The following TMED6 variants were observed in gnomAD, a reference collection of about 807,000 sequenced individuals.
TMED6 encodes the protein transmembrane emp24 domain-containing protein 6.
In TMED6, 17 loss-of-function variants were observed where a neutral mutation model predicts 26.5. The ratio of observed to expected loss-of-function variants is 0.64; its 90% CI spans 0.44 to 0.96. The LOEUF (loss-of-function observed/expected upper bound fraction) is 0.96, where lower values mean the gene tolerates loss of function less well. Among genes scored for constraint, TMED6 ranks in the 40% least tolerant of loss-of-function variants. The pLI is 0.00. For synonymous variants in TMED6, 107 were observed against 106.2 expected (o/e 1.01, Z -0.04); for missense variants, 309 against 296.5 (o/e 1.04, Z -0.31).
At chr16:69,347,624 T>A (rs2012706171) in intron 3 of TMED6, among the ~76,000 whole-genome samples, 164 bp downstream of exon 3, 1 of 152,154 alleles carries the variant, frequency 6.6e-6, no homozygotes, top group Admixed American at 6.5e-5. Context: ...CCTCCCAAAG[T>A]GCTGGGATTA....
intron 2 of TMED6, among the ~76,000 whole-genome samples, chr16:69,348,990 A>G (rs556746567): frequency 1.3e-5 from 2 of 152,314 alleles, no homozygotes; most frequent in African/African-American, 4.8e-5. Flanking sequence ...TGTTGAGAAA[A>G]TGTCTTTTTT....
chr16:69,348,989 AAT>A (rs1194307994), intron 2 of TMED6, among the ~76,000 whole-genome samples: 1 of 152,164 alleles, frequency 6.6e-6, no homozygotes, highest in African/African-American at 2.4e-5. Context: ...CTGTTGAGAA[AAT>A]GTCTTTTTTA....
rs913624709 is a variant in TMED6, at chr16:69,349,766, G to T, written c.214-115C>A. ...GCACAGCGGTCTCTGTCTGGGGTGG[G>T]ACTGCCCAACCCCCTGCTGGGGTTT... On this transcript the variant is annotated intron_variant, in intron 1 of 3. Coordinates refer to ENST00000288025, the MANE Select transcript of TMED6 (RefSeq NM_144676.4). The T allele has an allele frequency of 5.2e-5, 71 of 1,368,690 alleles. No individual in the cohort carries two copies. In the South Asian group the frequency reaches 8.8e-4, roughly 17 times the overall value. 84.8% of individuals were successfully genotyped at this position (1,368,690 alleles called of 1,614,324 possible).
At chr16:69,349,498 A>G in intron 2 of TMED6, 27 bp downstream of exon 2, 1 of 1,608,724 alleles carries the variant, frequency 6.2e-7, no homozygotes, top group African/African-American at 1.3e-5. Flanking sequence ...TATGATTATT[A>G]TAATAGCCAT....
rs1203504283 is a variant in TMED6, at chr16:69,343,468, T to C, written c.662A>G (p.Tyr221Cys). 1 of 1,614,170 alleles carries C rather than the reference T, an allele frequency of 6.2e-7. No individual in the cohort carries two copies. The highest frequency in any genetic ancestry group is 1.3e-5 in the African/African-American group (1 of 75,046). The change falls in exon 4 of 4, where the codon TAT (tyrosine) becomes TGT (cysteine). Residue 221 changes from tyrosine to cysteine, a missense_variant. Coordinates refer to ENST00000288025, the MANE Select transcript of TMED6 (RefSeq NM_144676.4). The part of the protein sequence containing the change: ...VIILSGILQL[Y>C]FLKRLFNVPT... ...AACATTGAAGAGACGCTTCAAGAAATACAGTTGCAGGATCCCAGAAAGAAT... is the reference window on the plus strand; with the variant it reads ...AACATTGAAGAGACGCTTCAAGAAACACAGTTGCAGGATCCCAGAAAGAAT...
chr16:69,348,527 G>A (rs2012724687), intron 2 of TMED6: 3 of 152,436 alleles, frequency 2.0e-5, no homozygotes, highest in Admixed American at 2.0e-4. Flanking sequence ...ACCGGTAGAA[G>A]ATGGGTGGGG....
intron 3 of TMED6, among the ~76,000 whole-genome samples, chr16:69,346,876 C>A (rs1398240993): frequency 6.6e-6 from 1 of 152,120 alleles, no homozygotes; most frequent in African/African-American, 2.4e-5. Flanking sequence ...CACAGTAGCT[C>A]ATAATGCTGA....
At chr16:69,349,802 G>A (rs2012747380) in intron 1 of TMED6, 151 bp from the exon 2 acceptor site, 5 of 906,214 alleles carry the variant, frequency 5.5e-6, no homozygotes, top group Middle Eastern at 3.3e-4. Context: ...GGAGTTGATT[G>A]GAGGATTCTG....
rs138022310 is a variant in TMED6 at position 69,343,456 on chromosome 16, C to T, written c.674G>A (p.Arg225His). The change falls in exon 4 of 4, where the codon CGT becomes CAT. Residue 225 changes from arginine to histidine, a missense_variant. By Grantham distance (29) the Arg-to-His change is conservative. Coordinates refer to ENST00000288025, the MANE Select transcript of TMED6 (RefSeq NM_144676.4). ...TGTAGTTGTTGGAACATTGAAGAGA[C>T]GCTTCAAGAAATACAGTTGCAGGAT... is the stretch of plus-strand genomic sequence containing the variant. ...SGILQLYFLK[R>H]LFNVPTTTDT... The T allele has an allele frequency of 1.9e-5, 30 of 1,614,016 alleles. No homozygotes were observed. In the Admixed American group the frequency reaches 3.5e-4, roughly 19 times the overall value.
chr16:69,347,324 C>G (rs1204792722), intron 3 of TMED6, among the ~76,000 whole-genome samples: 1 of 152,160 alleles, frequency 6.6e-6, no homozygotes, highest in African/African-American at 2.4e-5. Context: ...AGTTTGCCAA[C>G]CCTTGGTATA....
intron 3 of TMED6, among the ~76,000 whole-genome samples, chr16:69,346,622 G>C (rs1335426964): frequency 6.6e-6 from 1 of 151,994 alleles, no homozygotes; most frequent in Non-Finnish European, 1.5e-5. Context: ...AAATTAGCCG[G>C]GCATGGTGAG....
intron 1 of TMED6, among the ~76,000 whole-genome samples, chr16:69,351,236 C>A (rs1485591062): frequency 1.3e-5 from 2 of 152,134 alleles, no homozygotes; most frequent in African/African-American, 4.8e-5. Context: ...AAAATGTATT[C>A]TCTCCCCTCT....
chr16:69,347,827 CTTCT>C lies in TMED6; in HGVS notation c.446_449del (p.Gln149ArgfsTer6), dbSNP rs2012710182. The C allele has an allele frequency of 2.5e-6, 4 of 1,614,066 alleles. No individual in the cohort carries two copies. The highest frequency in any genetic ancestry group is 3.4e-6 in the Non-Finnish European group (4 of 1,180,016). On this transcript the variant is annotated frameshift_variant, in exon 3 of 4. Transcript: ENST00000288025. LOFTEE classifies it high-confidence loss of function. ...GAGTATCATTCAGTTGTTTTCTTTC[CTTCT>C]GTTTGTGATCAGTCTCAGGCCCCTC...
chr16:69,351,458 C>T (rs2012774254), intron 1 of TMED6, 83 bp downstream of exon 1: 6 of 1,328,554 alleles, frequency 4.5e-6, no homozygotes, highest in Non-Finnish European at 5.3e-6. Flanking sequence ...ACAACCAGAC[C>T]TTGTTTTGGC....
chr16:69,351,764 G>C lies in TMED6; in HGVS notation c.-11C>G. On this transcript the variant is annotated 5_prime_UTR_variant, in exon 1 of 4. Coordinates refer to ENST00000288025, the MANE Select transcript of TMED6 (RefSeq NM_144676.4). Reference sequence around the variant, plus strand: ...GAGCAAAGGGGACATGCCGCTTTCTGGAGCCTCCTCTGCAGGTGAACTGCT... The same window carrying C: ...GAGCAAAGGGGACATGCCGCTTTCTCGAGCCTCCTCTGCAGGTGAACTGCT... 1 of 1,610,814 alleles carries C rather than the reference G, an allele frequency of 6.2e-7. No homozygotes were observed. The highest frequency in any genetic ancestry group is 8.5e-7 in the Non-Finnish European group (1 of 1,178,790).
chr16:69,351,721 G>A lies in TMED6; in HGVS notation c.33C>T (p.Val11=), dbSNP rs1278036497. The A allele has an allele frequency of 9.9e-6, 16 of 1,613,300 alleles. No individual in the cohort carries two copies. Among genetic ancestry groups the A allele is most frequent in the East Asian group, 2.2e-5 (1 of 44,880 alleles). The change falls in exon 1 of 4, where the codon GTC becomes GTT. Residue 11 remains valine, a synonymous_variant. Coordinates refer to ENST00000288025, the MANE Select transcript of TMED6 (RefSeq NM_144676.4). ...TGGCAGACGTCACTAGATTCAGAACGACCAGCCCAGCCCCAAAGAGCAAAG... is the reference window on the plus strand; with the variant it reads ...TGGCAGACGTCACTAGATTCAGAACAACCAGCCCAGCCCCAAAGAGCAAAG... MSPLLFGAGL[V]VLNLVTSARS... is the part of the protein sequence containing the mutation.
intron 3 of TMED6, 23 bp downstream of exon 3, chr16:69,347,765 T>A: frequency 1.2e-6 from 2 of 1,612,902 alleles, no homozygotes; most frequent in Non-Finnish European, 1.7e-6. Context: ...CAGATGTTTC[T>A]CTTCCACAAA....
At position 69,347,772 on chromosome 16, in the gene TMED6, C is replaced by T. The variant is rs760625177; in HGVS notation, c.489+16G>A. On this transcript the variant is annotated intron_variant, in intron 3 of 3. Transcript: ENST00000288025. ...AGTTTCCACAGATGTTTCTCTTCCACAAAACACTTCCTTACCTCAATTGCA... is the reference window on the plus strand; with the variant it reads ...AGTTTCCACAGATGTTTCTCTTCCATAAAACACTTCCTTACCTCAATTGCA... 1.9e-6 allele frequency: 3 copies of T among 1,613,124 alleles called. No individual in the cohort carries two copies. Among genetic ancestry groups the T allele is most frequent in the South Asian group, 1.1e-5 (1 of 90,946 alleles).
At position 69,349,515 on chromosome 16, in the gene TMED6, G is replaced by T; in HGVS notation, c.340+10C>A. 6.2e-7 allele frequency: 1 copy of T among 1,612,356 alleles called. No individual in the cohort carries two copies. ...TGATTATTATAATAGCCATGGTAAT[G>T]AAAACAGACCTGTCTCTTGGGTAGA... On this transcript the variant is annotated intron_variant, in intron 2 of 3. Transcript: ENST00000288025.
Sources: allele counts gnomAD v4.1 joint callset (sites outside exome capture counted in the v4.1 genomes callset), GRCh38; gene constraint gnomAD v4.1.1; transcripts MANE v1.5; gene names NCBI Gene and HGNC (gene_info 2026-07-23, HGNC 2026-07-21).